NHLRC2: variants seen among roughly 807,000 people sequenced by gnomAD.
NHLRC2 encodes the protein NHL repeat-containing protein 2.
A neutral mutation model predicts 68.1 loss-of-function variants in NHLRC2; 33 were observed. That is an observed-to-expected ratio of 0.48 (90% CI 0.37 to 0.65). NHLRC2 has a LOEUF of 0.65. Among genes scored for constraint, NHLRC2 ranks in the 30% least tolerant of loss-of-function variants. NHLRC2 has a pLI of 0.00. For synonymous variants in NHLRC2, 311 were observed against 309.6 expected (o/e 1.00, Z -0.05); for missense variants, 761 against 853.8 (o/e 0.89, Z 1.35).
At chr10:113,900,723 G>C (rs1238526791) in intron 6 of NHLRC2, among the ~76,000 whole-genome samples, 1 of 152,090 alleles carries the variant, frequency 6.6e-6, no homozygotes, top group East Asian at 1.9e-4. Context: ...ATGTTTATAT[G>C]TTTCTTGAAT....
chr10:113,858,394 C>G, intron 1 of NHLRC2, 134 bp from the exon 2 acceptor site: 1 of 598,272 alleles, frequency 1.7e-6, no homozygotes, highest in Non-Finnish European at 2.9e-6. Context: ...CTGCCACAGC[C>G]TTTATATGGT....
rs747421255 is a variant in NHLRC2 at position 113,858,551 on chromosome 10, G to A, written c.202G>A (p.Glu68Lys). The A allele has an allele frequency of 2.5e-6, 4 of 1,605,560 alleles. No homozygotes were observed. The highest frequency in any genetic ancestry group is 2.2e-5 in the South Asian group (2 of 90,646). ...AGGATTAGAATGGCTGAACACAGAA[G>A]AACCTATTTCTGTCTACAAGGATCT... The part of the protein sequence containing the change: ...PEGLEWLNTE[E>K]PISVYKDLCG... Residue 68 changes from glutamate (E) to lysine (K), a missense_variant, in exon 2 of 11, where the codon GAA becomes AAA. Physicochemically the swap from Glu to Lys is moderately conservative, Grantham distance 56 (BLOSUM62 1). Transcript: ENST00000369301.
rs1846360143 is a variant in NHLRC2, at chr10:113,914,340, G to A, written c.*5804G>A. 6.7e-6 allele frequency: 1 copy of A among 150,244 alleles called. No individual in the cohort carries two copies. Among genetic ancestry groups the A allele is most frequent in the Admixed American group, 6.7e-5 (1 of 14,990 alleles). The allele number at this position is 150,244 out of a possible 1,614,324, so 9.3% of individuals were successfully genotyped here. A position where few individuals can be genotyped will look rare whatever the true frequency, so the allele number is the denominator to read the frequency against. ...TGCCACCACGCTTAGCTGATTTTTT[G>A]TATTTTTAGTGGAGATGGGGTTTCG... On this transcript the variant is annotated 3_prime_UTR_variant, in exon 11 of 11. Coordinates refer to ENST00000369301, the MANE Select transcript of NHLRC2 (RefSeq NM_198514.4).
chr10:113,900,385 C>A (rs1188541240), intron 6 of NHLRC2, among the ~76,000 whole-genome samples: 1 of 152,106 alleles, frequency 6.6e-6, no homozygotes, highest in African/African-American at 2.4e-5. Context: ...CAGAAGTTGC[C>A]AGAATATGCT....
intron 5 of NHLRC2, among the ~76,000 whole-genome samples, chr10:113,889,140 G>C (rs536392228): frequency 6.6e-6 from 1 of 151,922 alleles, no homozygotes. Context: ...ACCCCTATCA[G>C]TATCTAAGTA....
chr10:113,896,182 C>G (rs1846175738), intron 5 of NHLRC2, among the ~76,000 whole-genome samples: 1 of 152,016 alleles, frequency 6.6e-6, no homozygotes, highest in African/African-American at 2.4e-5. Context: ...ACCCAAAGGA[C>G]TATAAATCAT....
chr10:113,914,407 A>G lies in NHLRC2; in HGVS notation c.*5871A>G, dbSNP rs766225049. ...GGTCTCGAACTCCTGACCTCAGGTG[A>G]TCTGCCTGCCTTGGCCTTCCAAAGT... On this transcript the variant is annotated 3_prime_UTR_variant, in exon 11 of 11. Transcript: ENST00000369301. 7.2e-5 allele frequency: 11 copies of G among 152,876 alleles called. No homozygotes were observed. Among genetic ancestry groups the G allele is most frequent in the Non-Finnish European group, 1.5e-4 (10 of 68,722 alleles). 9.5% of individuals were successfully genotyped at this position (152,876 alleles called of 1,614,324 possible). A position where few individuals can be genotyped will look rare whatever the true frequency, so the allele number is the denominator to read the frequency against.
chr10:113,903,511 G>C lies in NHLRC2; in HGVS notation c.1495-16G>C, dbSNP rs768811450. The C allele has an allele frequency of 1.3e-6, 2 of 1,523,846 alleles. No individual in the cohort carries two copies. Among genetic ancestry groups the C allele is most frequent in the Non-Finnish European group, 1.8e-6 (2 of 1,104,010 alleles). 94.4% of individuals were successfully genotyped at this position (1,523,846 alleles called of 1,614,324 possible). On this transcript the variant is annotated splice_polypyrimidine_tract_variant and intron_variant, in intron 8 of 10. Transcript: ENST00000369301. The stretch of plus-strand genomic sequence containing the variant: ...TTGATCTTCAGTTATATAAGTTTTT[G>C]TTCTTTCTTTTTTAGATTAAAGTTG...
At chr10:113,856,298 C>T (rs185992871) in intron 1 of NHLRC2, among the ~76,000 whole-genome samples, 1 of 152,270 alleles carries the variant, frequency 6.6e-6, no homozygotes, top group East Asian at 1.9e-4. Flanking sequence ...TTGGATGTGG[C>T]AGAATTCAGT....
intron 5 of NHLRC2, among the ~76,000 whole-genome samples, chr10:113,891,733 G>C (rs1053153884): frequency 6.6e-6 from 1 of 152,166 alleles, no homozygotes; most frequent in African/African-American, 2.4e-5. Flanking sequence ...CCCAGGGATA[G>C]ACTGCTACTC....
chr10:113,874,526 G>A (rs1845961205), intron 2 of NHLRC2, among the ~76,000 whole-genome samples: 2 of 147,052 alleles, frequency 1.4e-5, no homozygotes, highest in East Asian at 2.0e-4. Flanking sequence ...GTTTGTTTAT[G>A]ATGTGTCTAG....
In NHLRC2 at chr10:113,902,093, A is replaced by G. The variant is rs375597162; in HGVS notation, c.1371+196A>G. Among the ~76,000 whole-genome samples the G allele has an allele frequency of 2.4e-3, 368 of 152,232 alleles. 1 individual carries two copies. The highest frequency in any genetic ancestry group is 8.0e-3 in the African/African-American group (334 of 41,570). ...CATCTAAGAAAAGTGAACTGACTCT[A>G]CTTTATTATGTATAAATGTTAAGGT... On this transcript the variant is annotated intron_variant, in intron 7 of 10. Transcript: ENST00000369301.
chr10:113,876,943 T>C lies in NHLRC2; in HGVS notation c.754T>C (p.Trp252Arg). The C allele has an allele frequency of 1.2e-6, 2 of 1,601,556 alleles. No individual in the cohort carries two copies. Reference protein sequence around the residue: ...DTGHHRILVVWKNGQIQYSIG... With the variant: ...DTGHHRILVVRKNGQIQYSIG... ...TGGACATCATAGAATTTTGGTCGTTTGGAAGAATGGACAAATTCAATATAG... is the reference window on the plus strand; with the variant it reads ...TGGACATCATAGAATTTTGGTCGTTCGGAAGAATGGACAAATTCAATATAG... The change falls in exon 3 of 11, where the codon TGG (tryptophan) becomes CGG (arginine). Residue 252 changes from tryptophan (W) to arginine (R), a missense_variant. Physicochemically the swap from Trp to Arg is moderately radical, Grantham distance 101. Coordinates refer to ENST00000369301, the MANE Select transcript of NHLRC2 (RefSeq NM_198514.4).
rs1846260421 is a variant in NHLRC2 at position 113,904,809 on chromosome 10, T to C, written c.1705-8T>C. On this transcript the variant is annotated splice_region_variant and splice_polypyrimidine_tract_variant and intron_variant, in intron 9 of 10. Transcript: ENST00000369301. ...TGTGTTTTAATAACAGATTTTCTTA[T>C]TTCCTAGCTCCCCATCTTCAGATCT... is the stretch of plus-strand genomic sequence containing the variant. 3 of 1,604,970 alleles carry C rather than the reference T, an allele frequency of 1.9e-6. No homozygotes were observed. The highest frequency in any genetic ancestry group is 2.6e-6 in the Non-Finnish European group (3 of 1,171,818).
intron 4 of NHLRC2, among the ~76,000 whole-genome samples, chr10:113,880,007 C>G (rs1436809690): frequency 1.3e-5 from 2 of 151,926 alleles, no homozygotes; most frequent in Admixed American, 1.3e-4. Context: ...ATCCTTTGTC[C>G]TTTTTCAGTT....
At position 113,908,530 on chromosome 10, in the gene NHLRC2, A is replaced by G. The variant is rs1449389530; in HGVS notation, c.2175A>G (p.Val725=). 6.2e-7 allele frequency: 1 copy of G among 1,613,960 alleles called. No individual in the cohort carries two copies. Among genetic ancestry groups the G allele is most frequent in the Non-Finnish European group, 8.5e-7 (1 of 1,179,896 alleles). Residue 725 remains valine, a synonymous_variant, in exon 11 of 11, where the codon GTA becomes GTG. Transcript: ENST00000369301. ...TAGCTCCAGTAGAGCTCAGGTATGT[A>G]TTTTAGCCAGCCAGCTAGCTAGCAA... is the stretch of plus-strand genomic sequence containing the variant. ...GCIAPVELRY[V]F
At chr10:113,881,016 T>C (rs941192999) in intron 4 of NHLRC2, among the ~76,000 whole-genome samples, 2 of 151,926 alleles carry the variant, frequency 1.3e-5, no homozygotes, top group African/African-American at 4.8e-5. Flanking sequence ...GAGCCCTTTA[T>C]AGGCAGAGCT....
intron 5 of NHLRC2, among the ~76,000 whole-genome samples, chr10:113,895,985 AG>A (rs1846173444): frequency 6.6e-6 from 1 of 152,224 alleles, no homozygotes; most frequent in African/African-American, 2.4e-5. Context: ...CACACCAGTT[AG>A]AATGGCGATC....
chr10:113,863,281 A>T (rs1206158590), intron 2 of NHLRC2, among the ~76,000 whole-genome samples: 1 of 152,196 alleles, frequency 6.6e-6, no homozygotes, highest in Non-Finnish European at 1.5e-5. Flanking sequence ...TTTTCTGATC[A>T]CAGATGAAGT....
Sources: allele counts gnomAD v4.1 joint callset (sites outside exome capture counted in the v4.1 genomes callset), GRCh38; gene constraint gnomAD v4.1.1; transcripts MANE v1.5; gene names NCBI Gene and HGNC (gene_info 2026-07-23, HGNC 2026-07-21).